The following GSK3B variants were observed in gnomAD, a reference collection of about 807,000 sequenced individuals.
GSK3B encodes the protein glycogen synthase kinase-3 beta.
Under a neutral mutation model 56.4 loss-of-function variants are expected in GSK3B, and 15 were observed. That is an observed-to-expected ratio of 0.27 (90% CI 0.18 to 0.41). The LOEUF (loss-of-function observed/expected upper bound fraction) is 0.41. Among genes scored for constraint, GSK3B ranks in the 10% least tolerant of loss-of-function variants. GSK3B has a pLI of 1.00. For missense variants in GSK3B, 300 were observed against 513.4 expected (o/e 0.58, Z 4.02); for synonymous variants, 181 against 188.9 (o/e 0.96, Z 0.34).
intron 3 of GSK3B, among the ~76,000 whole-genome samples, chr3:119,925,127 G>A (rs1025865112): frequency 6.6e-6 from 1 of 151,862 alleles, no homozygotes; most frequent in Non-Finnish European, 1.5e-5. Flanking sequence ...TCATGAGTTT[G>A]AGACCAGCCT....
chr3:119,856,846 T>G (rs760752967), intron 9 of GSK3B, among the ~76,000 whole-genome samples: 3 of 152,172 alleles, frequency 2.0e-5, no homozygotes, highest in Admixed American at 2.0e-4. Context: ...AAAACCATTA[T>G]GACTCACCTC....
At chr3:119,835,969 T>C (rs889275414) in intron 10 of GSK3B, among the ~76,000 whole-genome samples, 30 of 152,152 alleles carry the variant, frequency 2.0e-4, no homozygotes, top group African/African-American at 6.8e-4. Context: ...TCAAAAACAG[T>C]AGAAACAAAC....
chr3:119,997,419 A>G (rs908304014), intron 2 of GSK3B, among the ~76,000 whole-genome samples: 2 of 152,210 alleles, frequency 1.3e-5, no homozygotes, highest in African/African-American at 4.8e-5. Context: ...ATTACTACAC[A>G]TATCTAGATT....
chr3:120,059,972 A>C (rs2058222616), intron 1 of GSK3B, among the ~76,000 whole-genome samples: 1 of 152,234 alleles, frequency 6.6e-6, no homozygotes. Flanking sequence ...CTATTCATTT[A>C]TTCAAAAAAA....
chr3:119,840,837 T>C (rs951408402), intron 10 of GSK3B, among the ~76,000 whole-genome samples: 1 of 152,202 alleles, frequency 6.6e-6, no homozygotes, highest in Non-Finnish European at 1.5e-5. Context: ...ATTTACTGTA[T>C]CTCTTTCAGT....
intron 7 of GSK3B, among the ~76,000 whole-genome samples, chr3:119,879,720 T>G (rs1003547508): frequency 6.6e-6 from 1 of 152,176 alleles, no homozygotes; most frequent in East Asian, 1.9e-4. Flanking sequence ...TTTTTAGCTC[T>G]CACAAATAAC....
chr3:119,988,184 G>C (rs191743018), intron 2 of GSK3B, among the ~76,000 whole-genome samples: 63 of 152,278 alleles, frequency 4.1e-4, no homozygotes, highest in Non-Finnish European at 4.3e-4. Flanking sequence ...TGTTAATATT[G>C]AGCATGACAG....
intron 2 of GSK3B, among the ~76,000 whole-genome samples, chr3:119,987,669 T>C (rs2057529057): frequency 6.6e-6 from 1 of 152,204 alleles, no homozygotes; most frequent in African/African-American, 2.4e-5. Context: ...AAAAAAAGTC[T>C]ATAAAAATCT....
chr3:119,881,823 G>A (rs530051865), intron 7 of GSK3B, among the ~76,000 whole-genome samples: 78 of 152,254 alleles, frequency 5.1e-4, no homozygotes, highest in African/African-American at 1.9e-3. Context: ...ACTGAATCAC[G>A]GCAGTAGTTT....
intron 7 of GSK3B, among the ~76,000 whole-genome samples, chr3:119,884,055 C>T (rs2056408164): frequency 1.3e-5 from 2 of 151,816 alleles, no homozygotes; most frequent in Admixed American, 6.6e-5. Context: ...GTATAACAGG[C>T]AAAGCAGACA....
At chr3:119,894,817 T>C (rs373159075) in intron 7 of GSK3B, among the ~76,000 whole-genome samples, 2 of 152,178 alleles carry the variant, frequency 1.3e-5, no homozygotes, top group Non-Finnish European at 2.9e-5. Flanking sequence ...TATTGACTAA[T>C]TGAAGTTCAC....
chr3:119,898,193 G>A (rs964519298), intron 7 of GSK3B, among the ~76,000 whole-genome samples: 1 of 152,136 alleles, frequency 6.6e-6, no homozygotes, highest in African/African-American at 2.4e-5. Context: ...AACATCTCAT[G>A]TAACCTATTA....
At chr3:120,049,309 G>C (rs999499204) in intron 1 of GSK3B, among the ~76,000 whole-genome samples, 5 of 152,204 alleles carry the variant, frequency 3.3e-5, no homozygotes, top group Non-Finnish European at 1.5e-5. Flanking sequence ...AGTGAATGTG[G>C]CTCCAGGCCT....
chr3:119,826,406 T>A lies in GSK3B; in HGVS notation c.*382A>T, dbSNP rs866818344. The A allele has an allele frequency of 2.3e-6, 1 of 426,560 alleles. No homozygotes were observed. The highest frequency in any genetic ancestry group is 2.0e-5 in the African/African-American group (1 of 50,536). The allele number at this position is 426,560 out of a possible 1,614,324, so 26.4% of individuals were successfully genotyped here. A position where few individuals can be genotyped will look rare whatever the true frequency, so the allele number is the denominator to read the frequency against. ...AGAAAACAAAGTTCAAAAAAACCCA[T>A]CAGCACAGAAAAAGGTTTTCTTCTT... On this transcript the variant is annotated 3_prime_UTR_variant, in exon 11 of 11. Coordinates refer to ENST00000264235, the MANE Select transcript of GSK3B (RefSeq NM_001146156.2).
chr3:119,983,870 C>G (rs929695486), intron 2 of GSK3B, among the ~76,000 whole-genome samples: 3 of 152,254 alleles, frequency 2.0e-5, no homozygotes, highest in Non-Finnish European at 2.9e-5. Context: ...TAGACATCTA[C>G]AGAACTCTCC....
At chr3:120,065,251 A>G (rs909438943) in intron 1 of GSK3B, among the ~76,000 whole-genome samples, 2 of 152,158 alleles carry the variant, frequency 1.3e-5, no homozygotes, top group Admixed American at 1.3e-4. Flanking sequence ...TATAAAGAAC[A>G]CTTAAAACTC....
intron 1 of GSK3B, among the ~76,000 whole-genome samples, chr3:120,036,330 T>C (rs755318107): frequency 1.1e-4 from 17 of 152,230 alleles, no homozygotes; most frequent in Admixed American, 7.9e-4. Flanking sequence ...TACTTTATTA[T>C]GATAATTCAG....
chr3:120,028,876 T>C (rs1191452309), intron 1 of GSK3B: 4 of 478,450 alleles, frequency 8.4e-6, no homozygotes, highest in Non-Finnish European at 1.6e-5. Context: ...TTTGGCTTCT[T>C]CGCAAAAATG....
At chr3:119,992,553 C>G (rs566233393) in intron 2 of GSK3B, among the ~76,000 whole-genome samples, 49 of 151,872 alleles carry the variant, frequency 3.2e-4, no homozygotes, top group African/African-American at 1.2e-3. Context: ...CTGAGGATAG[C>G]TGGAAAGCTT....
Sources: gnomAD v4.1 joint callset for allele counts (sites outside exome capture counted in the v4.1 genomes callset) on GRCh38, gnomAD v4.1.1 for gene constraint, MANE v1.5 for transcripts, NCBI Gene and HGNC (gene_info 2026-07-23, HGNC 2026-07-21) for gene names.